The following KCNH7 variants were observed in gnomAD, a reference collection of about 807,000 sequenced individuals.
KCNH7 encodes potassium voltage-gated channel subfamily H member 7.
A neutral mutation model predicts 120.8 loss-of-function variants in KCNH7; 49 were observed. The observed-to-expected ratio is 0.41, with a 90% confidence interval of 0.32 to 0.51. KCNH7 has a LOEUF of 0.51. Ranked by LOEUF, KCNH7 falls within the 20% of genes least tolerant of loss-of-function variation. The pLI is 0.38. For synonymous variants in KCNH7, 547 were observed against 516.1 expected, an observed-to-expected ratio of 1.06 and a Z score of -0.81; for missense variants, 1,097 against 1,446.6, an observed-to-expected ratio of 0.76 and a Z score of 3.92.
intron 2 of KCNH7, among the ~76,000 whole-genome samples, chr2:162,543,689 T>C (rs936854274): frequency 3.9e-5 from 6 of 152,220 alleles, no homozygotes; most frequent in Middle Eastern, 3.4e-3. Flanking sequence ...TCTACTATTA[T>C]TTAGTGAATG....
At chr2:162,492,258 A>G (rs2105717291) in intron 6 of KCNH7, among the ~76,000 whole-genome samples, 1 of 152,338 alleles carries the variant, frequency 6.6e-6, no homozygotes, top group South Asian at 2.1e-4. Context: ...TGTCATAAAG[A>G]GGGGTACTTC....
chr2:162,772,212 A>G (rs1437708919), intron 2 of KCNH7, among the ~76,000 whole-genome samples: 1 of 152,234 alleles, frequency 6.6e-6, no homozygotes. Flanking sequence ...ATTTAGAGAA[A>G]TGAGTTGAGG....
chr2:162,722,898 T>C (rs924193761), intron 2 of KCNH7, among the ~76,000 whole-genome samples: 8 of 148,954 alleles, frequency 5.4e-5, no homozygotes, highest in African/African-American at 2.0e-4. Flanking sequence ...CCTAATCTAG[T>C]CTGCTGCTGA....
chr2:162,642,154 C>T (rs965625094), intron 2 of KCNH7, among the ~76,000 whole-genome samples: 1 of 152,056 alleles, frequency 6.6e-6, no homozygotes, highest in African/African-American at 2.4e-5. Context: ...AGTATTTTTG[C>T]ACAATTAAAT....
rs73018951 is a variant in KCNH7, at chr2:162,425,479, T to C, written c.1955-1944A>G. Among the ~76,000 whole-genome samples the C allele has an allele frequency of 6.0e-3, 920 of 152,300 alleles. 7 individuals carry two copies. The highest frequency in any genetic ancestry group is 0.021 in the African/African-American group (861 of 41,566). On this transcript the variant is annotated intron_variant, in intron 8 of 15. Coordinates refer to ENST00000332142, the MANE Select transcript of KCNH7 (RefSeq NM_033272.4). The stretch of plus-strand genomic sequence containing the variant: ...AAATTGTTTTTGAGTAAATGAATCA[T>C]TCTTTAAAAAGAGAATTAACAATAT...
At chr2:162,604,772 C>T (rs1014263407) in intron 2 of KCNH7, among the ~76,000 whole-genome samples, 5 of 151,966 alleles carry the variant, frequency 3.3e-5, no homozygotes, top group African/African-American at 9.7e-5. Context: ...ATATCCATCC[C>T]CTGCTCCCTT....
chr2:162,738,433 T>C (rs1687998674), intron 2 of KCNH7, among the ~76,000 whole-genome samples: 1 of 152,142 alleles, frequency 6.6e-6, no homozygotes, highest in Non-Finnish European at 1.5e-5. Flanking sequence ...TTTGACATTT[T>C]TCAAAAGACA....
chr2:162,689,017 A>G (rs941838513), intron 2 of KCNH7, among the ~76,000 whole-genome samples: 2 of 152,066 alleles, frequency 1.3e-5, no homozygotes, highest in African/African-American at 4.8e-5. Flanking sequence ...AAAGGCAATA[A>G]TGTTCCCCAA....
intron 2 of KCNH7, among the ~76,000 whole-genome samples, chr2:162,652,232 G>A (rs188976647): frequency 6.6e-6 from 1 of 152,262 alleles, no homozygotes; most frequent in East Asian, 1.9e-4. Context: ...CATTAGCAGT[G>A]TATTCTTGGG....
chr2:162,602,265 A>G (rs1405480496), intron 2 of KCNH7, among the ~76,000 whole-genome samples: 1 of 152,062 alleles, frequency 6.6e-6, no homozygotes, highest in Non-Finnish European at 1.5e-5. Context: ...CAGAAGGTAT[A>G]CAGCTTCAGG....
At chr2:162,636,232 C>G (rs924145466) in intron 2 of KCNH7, among the ~76,000 whole-genome samples, 1 of 151,942 alleles carries the variant, frequency 6.6e-6, no homozygotes, top group African/African-American at 2.4e-5. Flanking sequence ...AGAATCTCAG[C>G]CAAAGGTAGA....
chr2:162,781,037 G>T (rs1345804922), intron 2 of KCNH7, among the ~76,000 whole-genome samples: 1 of 151,920 alleles, frequency 6.6e-6, no homozygotes, highest in Admixed American at 6.6e-5. Flanking sequence ...TATAGAATCA[G>T]AATTTTATAG....
intron 6 of KCNH7, among the ~76,000 whole-genome samples, chr2:162,502,559 A>G (rs1004770225): frequency 3.7e-4 from 56 of 152,092 alleles, no homozygotes; most frequent in African/African-American, 1.3e-3. Context: ...TTATGCTCTT[A>G]AAATTTACTG....
chr2:162,650,880 G>A (rs1684541961), intron 2 of KCNH7, among the ~76,000 whole-genome samples: 2 of 152,286 alleles, frequency 1.3e-5, no homozygotes, highest in Admixed American at 6.5e-5. Flanking sequence ...TGAACTCACT[G>A]AGGCTCTGTC....
intron 14 of KCNH7, among the ~76,000 whole-genome samples, chr2:162,379,024 G>A (rs987554141): frequency 2.6e-5 from 4 of 152,176 alleles, no homozygotes; most frequent in Non-Finnish European, 4.4e-5. Context: ...GTGCGTGTTC[G>A]AAATGTGTTA....
At chr2:162,538,923 T>C (rs1023083172) in intron 2 of KCNH7, among the ~76,000 whole-genome samples, 1 of 152,082 alleles carries the variant, frequency 6.6e-6, no homozygotes, top group Admixed American at 6.6e-5. Context: ...GTGGACAGCT[T>C]CCCAAATTTG....
intron 9 of KCNH7, among the ~76,000 whole-genome samples, chr2:162,401,036 A>G (rs1687050945): frequency 6.6e-6 from 1 of 151,940 alleles, no homozygotes; most frequent in African/African-American, 2.4e-5. Flanking sequence ...AAATAGAGAA[A>G]GGCGAGGAGA....
intron 2 of KCNH7, among the ~76,000 whole-genome samples, chr2:162,568,667 C>T (rs1693347387): frequency 2.0e-5 from 3 of 151,744 alleles, no homozygotes; most frequent in South Asian, 4.2e-4. Flanking sequence ...GAAGTTAAAG[C>T]TGTTGGAGTA....
At chr2:162,427,369 A>T (rs1687901229) in intron 8 of KCNH7, among the ~76,000 whole-genome samples, 1 of 151,984 alleles carries the variant, frequency 6.6e-6, no homozygotes, top group Non-Finnish European at 1.5e-5. Context: ...ATCCTCTCCA[A>T]CACTTGGTTT....
Sources: gnomAD v4.1 joint callset for allele counts (sites outside exome capture counted in the v4.1 genomes callset) on GRCh38, gnomAD v4.1.1 for gene constraint, MANE v1.5 for transcripts, NCBI Gene and HGNC (gene_info 2026-07-23, HGNC 2026-07-21) for gene names.